The following ANXA10 variants were observed in gnomAD, a reference collection of about 807,000 sequenced individuals.
ANXA10 encodes the protein annexin A10, also known as annexin 14.
ANXA10 carries 49 observed loss-of-function variants against 53.5 expected under a neutral mutation model. The ratio of observed to expected loss-of-function variants is 0.92; its 90% CI spans 0.73 to 1.16. ANXA10 has a LOEUF of 1.16. Among genes scored for constraint, ANXA10 ranks in the 50% most tolerant of loss-of-function variants. The probability of loss-of-function intolerance (pLI) is 0.00; values close to 1 mark genes in which losing one functional copy is unlikely to be tolerated. For missense variants in ANXA10, 393 were observed against 394.4 expected, an observed-to-expected ratio of 1.00 and a Z score of 0.03; for synonymous variants, 131 against 128.9, an observed-to-expected ratio of 1.02 and a Z score of -0.11.
At chr4:168,134,662 G>T (rs1377523663) in intron 2 of ANXA10, among the ~76,000 whole-genome samples, 1 of 152,062 alleles carries the variant, frequency 6.6e-6, no homozygotes, top group African/African-American at 2.4e-5. Flanking sequence ...TTTTAGTTCA[G>T]GGTCTTAACC....
chr4:168,127,598 T>A, intron 1 of ANXA10: 1 of 178,432 alleles, frequency 5.6e-6, no homozygotes, highest in South Asian at 1.0e-4. Flanking sequence ...GATTCTCCCA[T>A]TTTTTTACTA....
intron 1 of ANXA10, among the ~76,000 whole-genome samples, chr4:168,110,606 T>C (rs1370703041): frequency 1.3e-5 from 2 of 152,170 alleles, no homozygotes; most frequent in Non-Finnish European, 2.9e-5. Flanking sequence ...TCAAGGTTAA[T>C]TTCAAAATTC....
intron 6 of ANXA10, among the ~76,000 whole-genome samples, chr4:168,173,665 C>G (rs960305889): frequency 6.6e-6 from 1 of 152,154 alleles, no homozygotes; most frequent in African/African-American, 2.4e-5. Context: ...TTTAGGCAGA[C>G]AGGGATGGTA....
At chr4:168,121,912 C>G (rs1173656682) in intron 1 of ANXA10, among the ~76,000 whole-genome samples, 1 of 152,100 alleles carries the variant, frequency 6.6e-6, no homozygotes, top group African/African-American at 2.4e-5. Flanking sequence ...GGTGCAGTCT[C>G]CACTCACGGC....
chr4:168,167,674 A>ATTCT (rs1303153912), intron 6 of ANXA10, among the ~76,000 whole-genome samples: 1 of 152,168 alleles, frequency 6.6e-6, no homozygotes, highest in Non-Finnish European at 1.5e-5. Flanking sequence ...AAAACTTAGA[A>ATTCT]GAGTTGTGAT....
At chr4:168,150,773 C>T (rs1450226881) in intron 3 of ANXA10, among the ~76,000 whole-genome samples, 1 of 152,174 alleles carries the variant, frequency 6.6e-6, no homozygotes, top group East Asian at 1.9e-4. Flanking sequence ...AGAAAACCCT[C>T]ACTGCACATC....
At chr4:168,156,112 A>C (rs1731655819) in intron 3 of ANXA10, among the ~76,000 whole-genome samples, 1 of 42,862 alleles carries the variant, frequency 2.3e-5, no homozygotes, top group Non-Finnish European at 3.7e-5. Flanking sequence ...TAAATATTAT[A>C]TTTATTTATA....
Position 168,131,888 on chromosome 4 carries a change from G to T in ANXA10, c.100+3723G>T, listed in dbSNP as rs1731161309. The stretch of plus-strand genomic sequence containing the variant: ...TTAATCTCTCTGTGTCTTTAATGTT[G>T]ATTTCTTGTAGACCACTTAGTGCTA... On this transcript the variant is annotated intron_variant, in intron 2 of 11. Coordinates refer to ENST00000359299, the MANE Select transcript of ANXA10 (RefSeq NM_007193.5). Among the ~76,000 whole-genome samples the T allele has an allele frequency of 2.0e-5, 3 of 151,958 alleles. No individual in the cohort carries two copies. The South Asian group carries it at 6.2e-4, about 32-fold the overall frequency.
At chr4:168,094,434 G>T (rs778179582) in intron 1 of ANXA10, among the ~76,000 whole-genome samples, 1 of 152,016 alleles carries the variant, frequency 6.6e-6, no homozygotes, top group Non-Finnish European at 1.5e-5. Context: ...TCTATCTTAA[G>T]GTATATGACC....
chr4:168,179,065 T>C (rs1732188110), intron 8 of ANXA10, 152 bp from the exon 9 acceptor site: 1 of 533,594 alleles, frequency 1.9e-6, no homozygotes, highest in African/African-American at 1.9e-5. Flanking sequence ...GTATTTGTAT[T>C]TGTTTCAATG....
chr4:168,115,112 G>A (rs769046262), intron 1 of ANXA10, among the ~76,000 whole-genome samples: 5 of 152,128 alleles, frequency 3.3e-5, no homozygotes, highest in Non-Finnish European at 7.4e-5. Flanking sequence ...GGAACTCCTG[G>A]GCTGAAGCAA....
At chr4:168,149,801 T>C (rs1486983835) in intron 3 of ANXA10, among the ~76,000 whole-genome samples, 1 of 152,238 alleles carries the variant, frequency 6.6e-6, no homozygotes, top group Non-Finnish European at 1.5e-5. Context: ...AATGTTCTCC[T>C]ACTCAAAGCC....
chr4:168,097,884 T>G (rs1328719781), intron 1 of ANXA10, among the ~76,000 whole-genome samples: 2 of 152,172 alleles, frequency 1.3e-5, no homozygotes, highest in African/African-American at 2.4e-5. Flanking sequence ...GTTTGAAAGT[T>G]CTTAATTTAT....
chr4:168,140,618 C>CTTTTTTTTTTTTTT (rs35945870), intron 3 of ANXA10, among the ~76,000 whole-genome samples: 3 of 147,050 alleles, frequency 2.0e-5, no homozygotes. Flanking sequence ...TAAGAAATGT[C>CTTTTTTTTTTTTTT]TTTTTTTTTT....
intron 3 of ANXA10, among the ~76,000 whole-genome samples, chr4:168,156,224 G>A (rs1165210577): frequency 0.046 from 334 of 7,322 alleles, 1 homozygote; most frequent in Non-Finnish European, 0.071. Flanking sequence ...TATGTAATAT[G>A]TATTATATTA....
rs181261430 is a variant in ANXA10, at chr4:168,160,675, C to G, written c.196-1853C>G. ...ACAACGGTTGAACTGATTTACACTC[C>G]CAGAGTGTAAAAATGTTCCTTTTTG... On this transcript the variant is annotated intron_variant, in intron 3 of 11. Transcript: ENST00000359299. Among the ~76,000 whole-genome samples, 315 of 152,214 alleles carry G rather than the reference C, an allele frequency of 2.1e-3. 2 individuals are homozygous for G. Among genetic ancestry groups the G allele is most frequent in the African/African-American group, 7.3e-3 (304 of 41,534 alleles).
intron 1 of ANXA10, among the ~76,000 whole-genome samples, chr4:168,097,699 T>C (rs1730574077): frequency 6.6e-6 from 1 of 152,104 alleles, no homozygotes; most frequent in African/African-American, 2.4e-5. Flanking sequence ...CTGGTGTCCC[T>C]GGTCCCACCT....
intron 3 of ANXA10, among the ~76,000 whole-genome samples, chr4:168,147,883 G>A (rs936912097): frequency 6.6e-5 from 10 of 152,324 alleles, no homozygotes; most frequent in African/African-American, 2.4e-4. Context: ...AGCAGTAGAA[G>A]TTGGGGTAGA....
intron 3 of ANXA10, among the ~76,000 whole-genome samples, chr4:168,161,782 C>T (rs887863057): frequency 6.6e-6 from 1 of 152,000 alleles, no homozygotes; most frequent in Non-Finnish European, 1.5e-5. Context: ...CCTTCAATTC[C>T]CTTGTTAGCT....
Sources: allele counts gnomAD v4.1 joint callset (sites outside exome capture counted in the v4.1 genomes callset), GRCh38; gene constraint gnomAD v4.1.1; transcripts MANE v1.5; gene names NCBI Gene and HGNC (gene_info 2026-07-23, HGNC 2026-07-21).